Variants in PRKCH observed in about 807,000 individuals in gnomAD.
PRKCH encodes the protein protein kinase C eta type.
Under a neutral mutation model 82.5 loss-of-function variants are expected in PRKCH, and 28 were observed. The ratio of observed to expected loss-of-function variants is 0.34; its 90% CI spans 0.25 to 0.47. The LOEUF is 0.47. Among genes scored for constraint, PRKCH ranks in the 20% least tolerant of loss-of-function variants. The probability of loss-of-function intolerance (pLI) is 1.00; values close to 1 mark genes in which losing one functional copy is unlikely to be tolerated. For synonymous variants in PRKCH, 322 were observed against 327.4 expected, an observed-to-expected ratio of 0.98 and a Z score of 0.18; for missense variants, 705 against 881.8, an observed-to-expected ratio of 0.80 and a Z score of 2.54.
intron 2 of PRKCH, among the ~76,000 whole-genome samples, chr14:61,401,508 C>T (rs1456920731): frequency 6.6e-6 from 1 of 152,162 alleles, no homozygotes; most frequent in East Asian, 1.9e-4. Context: ...CCTTATAATA[C>T]GAAGATTTTA....
chr14:61,245,526 G>A (rs2044871823), intron 1 of PRKCH, among the ~76,000 whole-genome samples: 1 of 152,236 alleles, frequency 6.6e-6, no homozygotes, highest in Admixed American at 6.5e-5. Flanking sequence ...GGAAACCAAT[G>A]AGAGACAGAG....
At chr14:61,359,636 C>A (rs1232571618) in intron 1 of PRKCH, among the ~76,000 whole-genome samples, 1 of 152,190 alleles carries the variant, frequency 6.6e-6, no homozygotes, top group Non-Finnish European at 1.5e-5. Context: ...GTAAACTAGA[C>A]TGACCTACTT....
chr14:61,256,497 G>A lies in PRKCH; in HGVS notation c.-19+68829G>A, dbSNP rs1268886009. Among the ~76,000 whole-genome samples the A allele has an allele frequency of 2.6e-5, 4 of 152,134 alleles. No homozygotes were observed. The East Asian group carries it at 5.8e-4, about 22-fold the overall frequency. Reference sequence around the variant, plus strand: ...AGACAATGCTCGTCTATGCGAAATTGTACTGGCTTTTTGATCCTGAAAAAT... The same window carrying A: ...AGACAATGCTCGTCTATGCGAAATTATACTGGCTTTTTGATCCTGAAAAAT... On this transcript the variant is annotated intron_variant, in intron 1 of 3. Coordinates refer to the PRKCH transcript ENST00000555185.
chr14:61,431,186 G>A (rs1371679515), intron 2 of PRKCH, among the ~76,000 whole-genome samples: 1 of 149,454 alleles, frequency 6.7e-6, no homozygotes, highest in Non-Finnish European at 1.5e-5. Flanking sequence ...AGGGAAAAAT[G>A]CCTCAAATGA....
At chr14:61,271,010 A>G (rs967113267) in intron 1 of PRKCH, among the ~76,000 whole-genome samples, 4 of 152,168 alleles carry the variant, frequency 2.6e-5, no homozygotes, top group African/African-American at 7.2e-5. Context: ...GGTGTCATGA[A>G]AGTTTAAGTC....
At chr14:61,220,921 T>G (rs1435757680) in intron 1 of PRKCH, among the ~76,000 whole-genome samples, 1 of 152,176 alleles carries the variant, frequency 6.6e-6, no homozygotes, top group East Asian at 1.9e-4. Context: ...GCCCACGTTC[T>G]GGTAAGTCTC....
intron 1 of PRKCH, among the ~76,000 whole-genome samples, chr14:61,243,066 G>C (rs7149581): frequency 7.6e-6 from 1 of 131,070 alleles, no homozygotes; most frequent in Non-Finnish European, 1.7e-5. Context: ...ACCTAGACCC[G>C]ATTTTGGGAA....
chr14:61,353,540 C>A (rs2046109524), intron 1 of PRKCH: 1 of 152,100 alleles, frequency 6.6e-6, no homozygotes, highest in Admixed American at 6.6e-5. Context: ...ATTAAAATGT[C>A]AGTGGATAAA....
chr14:61,356,809 G>C (rs964712855), intron 1 of PRKCH, among the ~76,000 whole-genome samples: 16 of 152,232 alleles, frequency 1.1e-4, no homozygotes, highest in Non-Finnish European at 2.1e-4. Flanking sequence ...AGCCTCCCAA[G>C]TAGGTGGGAT....
intron 1 of PRKCH, among the ~76,000 whole-genome samples, chr14:61,244,460 C>A (rs1226852339): frequency 2.0e-5 from 3 of 152,158 alleles, no homozygotes; most frequent in African/African-American, 7.2e-5. Flanking sequence ...TGTTTTAAAC[C>A]TACCCTGCTC....
At chr14:61,299,010 C>T (rs2045427573) in intron 1 of PRKCH, 1 of 152,206 alleles carries the variant, frequency 6.6e-6, no homozygotes, top group Admixed American at 6.5e-5. Flanking sequence ...TATATGTTGG[C>T]ATGCTTCTGG....
chr14:61,465,848 G>A (rs368164217), intron 9 of PRKCH, among the ~76,000 whole-genome samples: 1 of 152,158 alleles, frequency 6.6e-6, no homozygotes, highest in African/African-American at 2.4e-5. Context: ...AGGTACCGTC[G>A]TAAGCACCTA....
At chr14:61,501,467 A>G (rs1259028742) in intron 10 of PRKCH, among the ~76,000 whole-genome samples, 1 of 151,992 alleles carries the variant, frequency 6.6e-6, no homozygotes, top group Non-Finnish European at 1.5e-5. Flanking sequence ...CAGTAGCGAA[A>G]GCTACACCAA....
intron 2 of PRKCH, among the ~76,000 whole-genome samples, chr14:61,440,756 C>G (rs908126497): frequency 6.6e-6 from 1 of 152,068 alleles, no homozygotes; most frequent in Admixed American, 6.6e-5. Context: ...CACCTGTAGT[C>G]CCAGCTGCTT....
At chr14:61,253,977 TCCTCCCTC>T (rs547034638) in intron 1 of PRKCH, among the ~76,000 whole-genome samples, 8,149 of 74,050 alleles carry the variant, frequency 0.11, 373 homozygotes, top group African/African-American at 0.14. Context: ...CCTCCCTCCC[TCCTCCCTC>T]CCTCCCTCCC....
chr14:61,427,778 G>A (rs533572733), intron 2 of PRKCH, among the ~76,000 whole-genome samples: 89 of 152,014 alleles, frequency 5.9e-4, no homozygotes, highest in Non-Finnish European at 9.7e-4. Flanking sequence ...TAGAGACAGG[G>A]TTTCATCATG....
At chr14:61,482,503 G>A (rs1886024665) in intron 9 of PRKCH, among the ~76,000 whole-genome samples, 1 of 152,110 alleles carries the variant, frequency 6.6e-6, no homozygotes, top group African/African-American at 2.4e-5. Flanking sequence ...TTTATACCTG[G>A]TGACGTTATT....
chr14:61,445,069 A>G (rs1351930307), intron 3 of PRKCH, among the ~76,000 whole-genome samples: 1 of 152,210 alleles, frequency 6.6e-6, no homozygotes, highest in African/African-American at 2.4e-5. Context: ...GGCACATCCT[A>G]TGGGCTTAGT....
At chr14:61,514,611 C>T (rs778040528) in intron 10 of PRKCH, among the ~76,000 whole-genome samples, 10 of 152,162 alleles carry the variant, frequency 6.6e-5, no homozygotes, top group Non-Finnish European at 1.0e-4. Flanking sequence ...CAGCTCCCCC[C>T]ACATCCTCCC....
Sources: allele counts gnomAD v4.1 joint callset (sites outside exome capture counted in the v4.1 genomes callset), GRCh38; gene constraint gnomAD v4.1.1; transcripts MANE v1.5; gene names NCBI Gene and HGNC (gene_info 2026-07-23, HGNC 2026-07-21).